SDCBP: variants seen among roughly 807,000 people sequenced by gnomAD.
The protein encoded by SDCBP is syndecan binding protein.
In SDCBP, 22 loss-of-function variants were observed where a neutral mutation model predicts 30.5. The ratio of observed to expected loss-of-function variants is 0.72; its 90% CI spans 0.52 to 1.03. The LOEUF (loss-of-function observed/expected upper bound fraction) is 1.03, where lower values mean the gene tolerates loss of function less well. Ranked by LOEUF, SDCBP falls within the 50% of genes least tolerant of loss-of-function variation. The pLI is 0.00. For synonymous variants in SDCBP, 103 were observed against 118.7 expected (o/e 0.87, Z 0.86); for missense variants, 304 against 369.9 (o/e 0.82, Z 1.46).
intron 5 of SDCBP, among the ~76,000 whole-genome samples, chr8:58,577,340 C>T (rs558037875): frequency 6.6e-6 from 1 of 152,184 alleles, no homozygotes; most frequent in African/African-American, 2.4e-5. Context: ...ATATTTTGTT[C>T]AACTTCTGAT....
chr8:58,556,886 A>G (rs1412928894), intron 1 of SDCBP, among the ~76,000 whole-genome samples: 5 of 143,628 alleles, frequency 3.5e-5, no homozygotes, highest in Non-Finnish European at 7.5e-5. Context: ...TATATATTAT[A>G]ATACGTATAA....
intron 4 of SDCBP, among the ~76,000 whole-genome samples, chr8:58,572,586 ATTCTGT>A (rs1805087531): frequency 6.6e-6 from 1 of 151,822 alleles, no homozygotes; most frequent in Non-Finnish European, 1.5e-5. Context: ...AGTCCTATTG[ATTCTGT>A]TTCTGTTTCT....
chr8:58,581,070 A>G (rs1309398983), intron 8 of SDCBP, among the ~76,000 whole-genome samples: 1 of 152,222 alleles, frequency 6.6e-6, no homozygotes, highest in Non-Finnish European at 1.5e-5. Flanking sequence ...GTGCTCAGGA[A>G]CTGAGGATTA....
In SDCBP at chr8:58,565,006, T is replaced by C. The variant is rs745569053; in HGVS notation, c.-15-13T>C. The C allele has an allele frequency of 3.6e-5, 55 of 1,535,360 alleles. No homozygotes were observed. The South Asian group carries it at 6.1e-4, about 17-fold the overall frequency. ...ATGACATTAGAGTAATAAAACTTTC[T>C]TTTTTTCTTTAGAAGAATCCTGCAA... On this transcript the variant is annotated splice_polypyrimidine_tract_variant and intron_variant, in intron 1 of 8. Transcript: ENST00000260130.
chr8:58,569,472 T>C (rs912155187), intron 2 of SDCBP, among the ~76,000 whole-genome samples: 1 of 152,250 alleles, frequency 6.6e-6, no homozygotes, highest in African/African-American at 2.4e-5. Flanking sequence ...AGTGCTGGGA[T>C]TAAAGGCCTC....
chr8:58,577,622 C>T (rs1393726114), intron 5 of SDCBP, among the ~76,000 whole-genome samples: 1 of 152,178 alleles, frequency 6.6e-6, no homozygotes, highest in East Asian at 1.9e-4. Context: ...AACTTTCTAA[C>T]ATGTGACTCG....
intron 6 of SDCBP, among the ~76,000 whole-genome samples, chr8:58,579,240 C>T (rs201226970): frequency 1.4e-5 from 1 of 71,642 alleles, no homozygotes; most frequent in African/African-American, 4.7e-5. Context: ...AATGATTTGG[C>T]TCTAGAAAAT....
chr8:58,568,747 C>A (rs1034662866), intron 2 of SDCBP, among the ~76,000 whole-genome samples: 2 of 152,106 alleles, frequency 1.3e-5, no homozygotes, highest in Admixed American at 6.5e-5. Context: ...ATATGTGGTT[C>A]ATCATTGACC....
intron 4 of SDCBP, among the ~76,000 whole-genome samples, chr8:58,573,077 G>A (rs1214947238): frequency 6.6e-6 from 1 of 151,938 alleles, no homozygotes; most frequent in Non-Finnish European, 1.5e-5. Context: ...CAGAGTGCTG[G>A]GATTACAGGC....
chr8:58,572,800 C>CTTTTTTT lies in SDCBP; in HGVS notation c.240+504_240+510dup, dbSNP rs947602204. On this transcript the variant is annotated intron_variant, in intron 4 of 8. Coordinates refer to ENST00000260130, the MANE Select transcript of SDCBP (RefSeq NM_005625.4). ...CTATCATATCTTTGTTGCTCATAAT[C>CTTTTTTT]TTTTTTTTTTTTTTTTTTTTTTTTG... Among the ~76,000 whole-genome samples the CTTTTTTT allele has an allele frequency of 1.0e-3, 86 of 83,154 alleles. 5 individuals carry two copies. The highest frequency in any genetic ancestry group is 2.5e-3 in the African/African-American group (51 of 20,392). The allele number at this position is 83,154 out of a possible 152,430, so 54.6% of individuals were successfully genotyped here.
At chr8:58,553,639 A>G (rs1012435647) in intron 1 of SDCBP, among the ~76,000 whole-genome samples, 5 of 152,156 alleles carry the variant, frequency 3.3e-5, no homozygotes, top group Non-Finnish European at 5.9e-5. Context: ...CCCCCGCCCC[A>G]GCTCTGGGGT....
chr8:58,580,637 A>G (rs1805640497), intron 8 of SDCBP, 29 bp downstream of exon 8: 1 of 1,131,944 alleles, frequency 8.8e-7, no homozygotes, highest in Admixed American at 1.7e-5. Context: ...AACTTAATGC[A>G]TATGGTCATG....
Position 58,581,920 on chromosome 8 carries a change from A to G in SDCBP, c.*180A>G. The G allele has an allele frequency of 1.7e-6, 1 of 579,860 alleles. No individual in the cohort carries two copies. The highest frequency in any genetic ancestry group is 3.1e-6 in the Non-Finnish European group (1 of 325,730). The allele number at this position is 579,860 out of a possible 1,614,324, so 35.9% of individuals were successfully genotyped here. A position where few individuals can be genotyped will look rare whatever the true frequency, so the allele number is the denominator to read the frequency against. ...TCTGATACCTTGTTCAGATTTCAAA[A>G]TAGTTGTAGCCTTATCCTGGTTTTA... On this transcript the variant is annotated 3_prime_UTR_variant, in exon 9 of 9. Transcript: ENST00000260130.
chr8:58,574,453 T>C (rs1805210870), intron 4 of SDCBP, among the ~76,000 whole-genome samples: 1 of 152,182 alleles, frequency 6.6e-6, no homozygotes, highest in Admixed American at 6.5e-5. Flanking sequence ...AATTTAGAAC[T>C]TCCTTTGTTC....
At position 58,565,848 on chromosome 8, in the gene SDCBP, T is replaced by C. The variant is rs548784316; in HGVS notation, c.51+764T>C. ...TGATCTCTTATCAATTTAGAATTTC[T>C]TCAGCCGTTGTTTATTGTTTTAATT... On this transcript the variant is annotated intron_variant, in intron 2 of 8. Coordinates refer to ENST00000260130, the MANE Select transcript of SDCBP (RefSeq NM_005625.4). 8.4e-4 allele frequency among the ~76,000 whole-genome samples: 128 copies of C among 152,258 alleles called. 2 individuals are homozygous for C. In the South Asian group the frequency reaches 0.024, roughly 29 times the overall value.
chr8:58,574,716 T>A (rs969784236), intron 4 of SDCBP, among the ~76,000 whole-genome samples: 1 of 152,178 alleles, frequency 6.6e-6, no homozygotes, highest in African/African-American at 2.4e-5. Context: ...TGAGGTATAA[T>A]TAACAAATAT....
In SDCBP at chr8:58,574,955, T is replaced by C. The variant is rs577524343; in HGVS notation, c.241-945T>C. ...TATAGTTACTATGCTGTACATTAGA[T>C]CTCCAGAACGTACTCATATGATAAC... On this transcript the variant is annotated intron_variant, in intron 4 of 8. Coordinates refer to ENST00000260130, the MANE Select transcript of SDCBP (RefSeq NM_005625.4). Among the ~76,000 whole-genome samples the C allele has an allele frequency of 2.5e-3, 376 of 152,268 alleles. 3 individuals are homozygous for C. The highest frequency in any genetic ancestry group is 3.4e-3 in the Middle Eastern group (1 of 294).
At chr8:58,559,034 A>G (rs1804296196) in intron 1 of SDCBP, among the ~76,000 whole-genome samples, 1 of 152,252 alleles carries the variant, frequency 6.6e-6, no homozygotes, top group African/African-American at 2.4e-5. Flanking sequence ...GCAAACCTGA[A>G]ACTTACTTTT....
At chr8:58,578,619 T>G (rs983473331) in intron 6 of SDCBP, among the ~76,000 whole-genome samples, 3 of 152,190 alleles carry the variant, frequency 2.0e-5, no homozygotes. Context: ...GACTTTTGGG[T>G]AGTTATGAAG....
Sources: gnomAD v4.1 joint callset for allele counts (sites outside exome capture counted in the v4.1 genomes callset) on GRCh38, gnomAD v4.1.1 for gene constraint, MANE v1.5 for transcripts, NCBI Gene and HGNC (gene_info 2026-07-23, HGNC 2026-07-21) for gene names.